The following ERG variants were observed in gnomAD, a reference collection of about 807,000 sequenced individuals.
ERG encodes ETS transcription factor ERG, also known as transcriptional regulator ERG.
ERG carries 9 observed loss-of-function variants against 55.3 expected under a neutral mutation model. The observed-to-expected ratio is 0.16, with a 90% CI of 0.10 to 0.28. The LOEUF is 0.28. Ranked by LOEUF, ERG falls within the 10% of genes least tolerant of loss-of-function variation. The pLI, the probability that ERG is intolerant of heterozygous loss-of-function variation, is 1.00. For missense variants in ERG, 434 were observed against 631.6 expected, an observed-to-expected ratio of 0.69 and a Z score of 3.35; for synonymous variants, 223 against 237.3, an observed-to-expected ratio of 0.94 and a Z score of 0.55.
At chr21:38,553,530 C>T (rs1158533354) in intron 2 of ERG, among the ~76,000 whole-genome samples, 1 of 152,128 alleles carries the variant, frequency 6.6e-6, no homozygotes, top group Non-Finnish European at 1.5e-5. Context: ...AGTAATGTCA[C>T]ACATCTATAG....
rs1265730382 is a variant in ERG at position 38,400,288 on chromosome 21, G to A, written c.745+286C>T. ...AGATCCTTCTGTTAGTTCAAAAGTCGGCCTATTCCTAACTGCCAGGCATCC... is the reference window on the plus strand; with the variant it reads ...AGATCCTTCTGTTAGTTCAAAAGTCAGCCTATTCCTAACTGCCAGGCATCC... On this transcript the variant is annotated intron_variant, in intron 6 of 9. Coordinates refer to ENST00000288319, the MANE Select transcript of ERG (RefSeq NM_182918.4). 28 of 523,552 alleles carry A rather than the reference G, an allele frequency of 5.3e-5. 1 individual carries two copies. Among genetic ancestry groups the A allele is most frequent in the Admixed American group, 4.2e-4 (17 of 40,358 alleles). The allele number at this position is 523,552 out of a possible 1,614,324, so 32.4% of individuals were successfully genotyped here. A position where few individuals can be genotyped will look rare whatever the true frequency, so the allele number is the denominator to read the frequency against.
intron 2 of ERG, among the ~76,000 whole-genome samples, chr21:38,554,824 TA>T (rs987443038): frequency 4.2e-5 from 6 of 144,090 alleles, no homozygotes; most frequent in African/African-American, 1.6e-4. Context: ...GAACCTAAAA[TA>T]AAAGTTAGAA....
chr21:38,604,750 T>C (rs1426906685), intron 1 of ERG, among the ~76,000 whole-genome samples: 1 of 152,252 alleles, frequency 6.6e-6, no homozygotes, highest in Non-Finnish European at 1.5e-5. Flanking sequence ...CATTAGGTCC[T>C]GAAGAATGGC....
the ERG span, among the ~76,000 whole-genome samples, chr21:38,370,159 T>G: frequency 6.6e-6 from 1 of 152,098 alleles, no homozygotes; most frequent in Non-Finnish European, 1.5e-5. Context: ...AAAATAGATA[T>G]TATTTTGATT....
chr21:38,582,035 T>G (rs1403032456), intron 1 of ERG, among the ~76,000 whole-genome samples: 1 of 99,896 alleles, frequency 1.0e-5, no homozygotes, highest in African/African-American at 4.3e-5. Flanking sequence ...AGAGCGAGAC[T>G]CCATCTCACA....
intron 1 of ERG, among the ~76,000 whole-genome samples, chr21:38,610,189 C>T (rs976439290): frequency 6.6e-6 from 1 of 152,160 alleles, no homozygotes; most frequent in Admixed American, 6.5e-5. Context: ...ATATGCACTT[C>T]GGTTTCTTCC....
intron 1 of ERG, among the ~76,000 whole-genome samples, chr21:38,635,834 A>G (rs2060384896): frequency 6.6e-6 from 1 of 152,196 alleles, no homozygotes; most frequent in South Asian, 2.1e-4. Context: ...ACTCAGGTTG[A>G]ATAATATTCA....
intron 1 of ERG, among the ~76,000 whole-genome samples, chr21:38,612,229 C>T (rs763944372): frequency 6.6e-6 from 1 of 152,174 alleles, no homozygotes; most frequent in East Asian, 1.9e-4. Flanking sequence ...TGAAATGGAC[C>T]TTCACATTTT....
intron 3 of ERG, among the ~76,000 whole-genome samples, chr21:38,416,160 A>G (rs1275447617): frequency 6.6e-6 from 1 of 152,196 alleles, no homozygotes; most frequent in Non-Finnish European, 1.5e-5. Flanking sequence ...ATGAAATCAG[A>G]CTGCCAAAGA....
chr21:38,402,758 T>G, intron 4 of ERG, 121 bp from the exon 5 acceptor site: 79 of 663,732 alleles, frequency 1.2e-4, no homozygotes, highest in Middle Eastern at 4.3e-4. Context: ...AAGAAAACCG[T>G]TCCCCCACTC....
chr21:38,452,541 T>C (rs1352173286), intron 1 of ERG, among the ~76,000 whole-genome samples: 2 of 152,252 alleles, frequency 1.3e-5, no homozygotes, highest in Non-Finnish European at 2.9e-5. Context: ...ATCCTTATTA[T>C]CTTTATTAAT....
chr21:38,646,473 G>A (rs555353184), intron 1 of ERG, among the ~76,000 whole-genome samples: 2 of 152,198 alleles, frequency 1.3e-5, no homozygotes, highest in Non-Finnish European at 2.9e-5. Flanking sequence ...GTTAGATTCT[G>A]ACCGATCTGC....
chr21:38,658,385 T>G (rs2060532040), intron 1 of ERG, among the ~76,000 whole-genome samples: 1 of 152,182 alleles, frequency 6.6e-6, no homozygotes, highest in Non-Finnish European at 1.5e-5. Context: ...ATAACAGGCA[T>G]CAGACATTTA....
chr21:38,574,235 T>C lies in ERG; in HGVS notation c.-41+1427A>G, dbSNP rs761727831. ...AATTAAAGAAAGTCTTTCTCCCACT[T>C]TACTTGTGTAGCACAGACACACTGA... On this transcript the variant is annotated intron_variant, in intron 2 of 8. Transcript: ENST00000398897. 3.9e-5 allele frequency among the ~76,000 whole-genome samples: 6 copies of C among 152,350 alleles called. 1 individual carries two copies. The highest frequency in any genetic ancestry group is 6.8e-3 in the Middle Eastern group (2 of 294).
At chr21:38,507,594 G>A (rs981498958) in intron 2 of ERG, among the ~76,000 whole-genome samples, 18 of 152,250 alleles carry the variant, frequency 1.2e-4, no homozygotes, top group Non-Finnish European at 1.6e-4. Flanking sequence ...TATCAGGGGA[G>A]AGCAATACTG....
chr21:38,480,608 T>TTTTTTTTG, intron 1 of ERG, among the ~76,000 whole-genome samples: 1 of 146,588 alleles, frequency 6.8e-6, no homozygotes, highest in African/African-American at 2.5e-5. Flanking sequence ...TTTTTTTTTT[T>TTTTTTTTG]TTTTTTGCCT....
At chr21:38,403,384 C>A (rs866377105) in intron 4 of ERG, 122 bp downstream of exon 4, 1 of 900,556 alleles carries the variant, frequency 1.1e-6, no homozygotes. Context: ...TCCCTCGGAT[C>A]CCCAGTGGGA....
At position 38,383,637 on chromosome 21, in the gene ERG, G is replaced by T. The variant is rs754230664; in HGVS notation, c.1206C>A (p.His402Gln). The T allele has an allele frequency of 6.2e-7, 1 of 1,614,116 alleles. No homozygotes were observed. The highest frequency in any genetic ancestry group is 2.2e-5 in the East Asian group (1 of 44,878). ...FHGIAQALQP[H>Q]PPESSLYKYP... ...ACTTGTACAGAGATGACTCCGGGGG[G>T]TGGGGCTGGAGGGCCTGGGCGATCC... Residue 402 changes from histidine to glutamine, a missense_variant, in exon 10 of 10, where the codon CAC becomes CAA. Coordinates refer to ENST00000288319, the MANE Select transcript of ERG (RefSeq NM_182918.4). This position sits in a 1 kb window ranked among gnomAD's most constrained non-coding sequence, Gnocchi z 5.7.
chr21:38,575,736 A>G, exon 2 of ERG: 1 of 1,613,528 alleles, frequency 6.2e-7, no homozygotes, highest in Non-Finnish European at 8.5e-7. Context: ...CCAGCTGTTC[A>G]GAACCTGACG....
Sources: gnomAD v4.1 joint callset for allele counts (sites outside exome capture counted in the v4.1 genomes callset) on GRCh38, gnomAD v4.1.1 for gene constraint, Gnocchi (gnomAD v3.1) non-coding constraint, MANE v1.5 for transcripts, NCBI Gene and HGNC (gene_info 2026-07-23, HGNC 2026-07-21) for gene names.